Variants in B9D1 observed in about 807,000 individuals in gnomAD.
B9D1 encodes B9 domain-containing protein 1.
B9D1 carries 20 observed loss-of-function variants against 26.1 expected under a neutral mutation model. The observed-to-expected ratio is 0.77, with a 90% CI of 0.54 to 1.12. The LOEUF is 1.12. Ranked by LOEUF, B9D1 falls within the 50% of genes most tolerant of loss-of-function variation. The pLI is 0.00. For synonymous variants in B9D1, 105 were observed against 103.1 expected (o/e 1.02, Z -0.11); for missense variants, 260 against 273.7 (o/e 0.95, Z 0.35).
At chr17:19,377,265 A>C (rs1193974201) in intron 1 of B9D1, among the ~76,000 whole-genome samples, 1 of 152,178 alleles carries the variant, frequency 6.6e-6, no homozygotes, top group Non-Finnish European at 1.5e-5. Flanking sequence ...GGGCGATGAA[A>C]ATGTTCCATA....
chr17:19,368,124 C>T (rs1598100483), intron 1 of B9D1, among the ~76,000 whole-genome samples: 1 of 152,240 alleles, frequency 6.6e-6, no homozygotes, highest in South Asian at 2.1e-4. Flanking sequence ...GAGGCAGAGC[C>T]CGAGGTGGGA....
rs1315959511 is a variant in B9D1 at position 19,347,844 on chromosome 17, A to G, written c.281T>C (p.Val94Ala). The G allele has an allele frequency of 1.9e-6, 3 of 1,614,150 alleles. No homozygotes were observed. In the Admixed American group the frequency reaches 5.0e-5, roughly 27 times the overall value. The stretch of plus-strand genomic sequence containing the variant: ...GCCTCGAACCACATCGTTCCCGAAC[A>G]CATCTGGTCCATACACGCTGAGCAC... ...QIVLSVYGPD[V>A]FGNDVVRGYG... The change falls in exon 4 of 7, where the codon GTG becomes GCG. Residue 94 changes from valine (V) to alanine (A), a missense_variant. Physicochemically the swap from Val to Ala is moderately conservative, Grantham distance 64. Coordinates refer to ENST00000261499, the MANE Select transcript of B9D1 (RefSeq NM_015681.6). The surrounding 1 kb of genome is among the most constrained non-coding windows in gnomAD (Gnocchi z 4.3).
downstream of B9D1, chr17:19,335,323 A>G: frequency 1.4e-6 from 2 of 1,405,554 alleles, no homozygotes; most frequent in Non-Finnish European, 1.9e-6. Context: ...ATATACCAAC[A>G]TCCTGAAAGT....
At chr17:19,373,094 C>T (rs548710449) in intron 1 of B9D1, among the ~76,000 whole-genome samples, 22 of 152,130 alleles carry the variant, frequency 1.4e-4, no homozygotes, top group Non-Finnish European at 3.1e-4. Flanking sequence ...CCCTCCCCCA[C>T]GCTGAGCCTG....
chr17:19,341,405 G>A (rs1907947565), downstream of B9D1: 8 of 1,047,274 alleles, frequency 7.6e-6, no homozygotes, highest in Non-Finnish European at 9.8e-6. Context: ...GACACGTGGG[G>A]CACATGTGGA....
chr17:19,377,853 A>C (rs1173867028), intron 1 of B9D1: 1 of 985,280 alleles, frequency 1.0e-6, no homozygotes, highest in Non-Finnish European at 1.2e-6. Context: ...AGCGGAGGGA[A>C]GATACCTAGA....
In B9D1 at chr17:19,343,568, C is replaced by T. The variant is rs750653546; in HGVS notation, c.473-107G>A. 5.1e-6 allele frequency: 8 copies of T among 1,582,762 alleles called. No homozygotes were observed. The South Asian group carries it at 5.7e-5, about 11-fold the overall frequency. ...GTTCTCATCTGTAAAATGGGGACAA[C>T]AGTGCCTGACCCAAGCCCCTCACTG... is the stretch of plus-strand genomic sequence containing the variant. On this transcript the variant is annotated intron_variant, in intron 6 of 6. Coordinates refer to ENST00000261499, the MANE Select transcript of B9D1 (RefSeq NM_015681.6).
chr17:19,367,673 ATGT>A (rs1209686647), upstream of B9D1, among the ~76,000 whole-genome samples: 3 of 152,306 alleles, frequency 2.0e-5, no homozygotes, highest in East Asian at 1.9e-4. Context: ...GTCTTTGCAA[ATGT>A]TGTTCCTTTG....
chr17:19,362,791 T>C (rs1911317399), upstream of B9D1: 4 of 1,372,678 alleles, frequency 2.9e-6, no homozygotes, highest in South Asian at 1.3e-5. Flanking sequence ...ACGCCGAGGC[T>C]CCACCCCTCC....
rs757225032 is a variant in B9D1 at position 19,362,608 on chromosome 17, C to G, written c.-39G>C. On this transcript the variant is annotated 5_prime_UTR_variant, in exon 1 of 7. Coordinates refer to ENST00000261499, the MANE Select transcript of B9D1 (RefSeq NM_015681.6). ...GTGCCGGGGGGACCCACCTAGGCCG[C>G]GCGCGGTTGCTAAGAGACGCCGGCG... The G allele has an allele frequency of 1.3e-6, 2 of 1,576,098 alleles. No individual in the cohort carries two copies. Among genetic ancestry groups the G allele is most frequent in the East Asian group, 4.6e-5 (2 of 43,564 alleles).
chr17:19,360,037 G>C (rs1308378729), intron 2 of B9D1, among the ~76,000 whole-genome samples: 1 of 152,314 alleles, frequency 6.6e-6, no homozygotes, highest in South Asian at 2.1e-4. Flanking sequence ...CCACGTCCAG[G>C]CTGGCTCACT....
chr17:19,373,816 C>T (rs150489670), intron 1 of B9D1, among the ~76,000 whole-genome samples: 5 of 152,268 alleles, frequency 3.3e-5, no homozygotes, highest in East Asian at 1.9e-4. Context: ...CGTGAGTCAC[C>T]GCACCCAATC....
downstream of B9D1, among the ~76,000 whole-genome samples, chr17:19,338,154 A>C (rs370937227): frequency 1.6e-4 from 24 of 152,354 alleles, no homozygotes; most frequent in South Asian, 4.3e-3. Context: ...CAGTACCCAC[A>C]GTCCAGCTCC....
chr17:19,343,625 A>G lies in B9D1; in HGVS notation c.473-164T>C, dbSNP rs775128959. 5.7e-6 allele frequency: 9 copies of G among 1,577,288 alleles called. No individual in the cohort carries two copies. The South Asian group carries it at 9.1e-5, about 16-fold the overall frequency. Reference sequence around the variant, plus strand: ...AAAGGGGCTGCCGGGACAGGCAGACATGACAAACCCTCTGTGCTCCAACCA... The same window carrying G: ...AAAGGGGCTGCCGGGACAGGCAGACGTGACAAACCCTCTGTGCTCCAACCA... On this transcript the variant is annotated intron_variant, in intron 6 of 6. Coordinates refer to ENST00000261499, the MANE Select transcript of B9D1 (RefSeq NM_015681.6).
downstream of B9D1, among the ~76,000 whole-genome samples, chr17:19,342,619 C>A (rs1908094083): frequency 6.6e-6 from 1 of 152,164 alleles, no homozygotes; most frequent in South Asian, 2.1e-4. Context: ...AGGGCCTGGA[C>A]AACCTCAGAG....
At chr17:19,335,582 C>T (rs995044422), downstream of B9D1, 50 of 1,047,386 alleles carry the variant, frequency 4.8e-5, no homozygotes, top group Non-Finnish European at 5.8e-5. Context: ...TCTGTGCCCA[C>T]GGGTCCCTGG....
intron 3 of B9D1, among the ~76,000 whole-genome samples, chr17:19,354,625 C>G (rs1910080529): frequency 6.6e-6 from 1 of 152,062 alleles, no homozygotes; most frequent in African/African-American, 2.4e-5. Flanking sequence ...GTCAGGAGTT[C>G]AAGACCAGCC....
intron 1 of B9D1, among the ~76,000 whole-genome samples, chr17:19,361,066 G>GGGTT (rs1910998650): frequency 6.6e-6 from 1 of 152,026 alleles, no homozygotes; most frequent in Admixed American, 6.6e-5. Flanking sequence ...ACTGTGAACT[G>GGGTT]CACATGTGGG....
In B9D1 at chr17:19,347,068, C is replaced by T. The variant is rs745951509; in HGVS notation, c.404+201G>A. ...TTTTTCACAGGGCACAGGGTAAAATCGCCCGGCCTTCTGCTGCTGGAACAG... is the reference window on the plus strand; with the variant it reads ...TTTTTCACAGGGCACAGGGTAAAATTGCCCGGCCTTCTGCTGCTGGAACAG... On this transcript the variant is annotated intron_variant, in intron 5 of 6. Transcript: ENST00000261499. The surrounding 1 kb of genome is among the most constrained non-coding windows in gnomAD (Gnocchi z 4.3). 1.2e-5 allele frequency: 19 copies of T among 1,550,888 alleles called. No individual in the cohort carries two copies. The highest frequency in any genetic ancestry group is 9.8e-5 in the Admixed American group (5 of 51,028).
Sources: gnomAD v4.1 joint callset for allele counts (sites outside exome capture counted in the v4.1 genomes callset) on GRCh38, gnomAD v4.1.1 for gene constraint, Gnocchi (gnomAD v3.1) non-coding constraint, MANE v1.5 for transcripts, NCBI Gene and HGNC (gene_info 2026-07-23, HGNC 2026-07-21) for gene names.